The following PKHD1L1 variants were observed in gnomAD, a reference collection of about 807,000 sequenced individuals.
PKHD1L1 encodes PKHD1 like 1, also known as fibrocystin-L.
PKHD1L1 carries 434 observed loss-of-function variants against 462.9 expected under a neutral mutation model. The ratio of observed to expected loss-of-function variants is 0.94; its 90% CI spans 0.87 to 1.02. PKHD1L1 has a LOEUF of 1.02. Ranked by LOEUF, PKHD1L1 falls within the 50% of genes least tolerant of loss-of-function variation. PKHD1L1 has a pLI of 0.00. For synonymous variants in PKHD1L1, 1,781 were observed against 1,750.0 expected, an observed-to-expected ratio of 1.02 and a Z score of -0.44; for missense variants, 5,202 against 5,096.1, an observed-to-expected ratio of 1.02 and a Z score of -0.63.
intron 46 of PKHD1L1, among the ~76,000 whole-genome samples, chr8:109,457,955 C>A (rs113675404): frequency 0.015 from 2,340 of 152,200 alleles, 62 homozygotes; most frequent in African/African-American, 0.047. Context: ...CTCCACCTCT[C>A]CTTGCCCCTC....
At chr8:109,370,110 A>T (rs1811422251) in intron 2 of PKHD1L1, among the ~76,000 whole-genome samples, 1 of 152,036 alleles carries the variant, frequency 6.6e-6, no homozygotes, top group Non-Finnish European at 1.5e-5. Context: ...CTGATTCTGT[A>T]TTATTTTTAT....
chr8:109,412,445 A>T (rs779661625), intron 20 of PKHD1L1, 31 bp downstream of exon 20: 1 of 1,545,662 alleles, frequency 6.5e-7, no homozygotes, highest in Non-Finnish European at 8.7e-7. Context: ...TGCTAATTGA[A>T]TCTGGAAAAT....
Position 109,443,842 on chromosome 8 carries a change from A to C in PKHD1L1, c.4731A>C (p.Thr1577=), listed in dbSNP as rs1261082883. 2 of 1,613,794 alleles carry C rather than the reference A, an allele frequency of 1.2e-6. No homozygotes were observed. The highest frequency in any genetic ancestry group is 1.7e-6 in the Non-Finnish European group (2 of 1,179,798). The change falls in exon 37 of 78, where the codon ACA becomes ACC. Residue 1577 remains threonine (T), a synonymous_variant. Transcript: ENST00000378402. ...SISNITPSTG[T]VNELITIIGH... is the part of the protein sequence containing the mutation. ...GCAACATTACTCCGTCCACTGGAAC[A>C]GTAAATGAACTAATAACAATTATTG...
At chr8:109,381,705 T>C (rs1812126103) in intron 3 of PKHD1L1, among the ~76,000 whole-genome samples, 191 bp downstream of exon 3, 1 of 152,128 alleles carries the variant, frequency 6.6e-6, no homozygotes, top group South Asian at 2.1e-4. Flanking sequence ...TTAATTGGCA[T>C]GATAACAACA....
intron 23 of PKHD1L1, 73 bp downstream of exon 23, chr8:109,420,763 A>G: frequency 8.7e-7 from 1 of 1,148,590 alleles, no homozygotes; most frequent in South Asian, 2.2e-5. Context: ...ACCAACATAC[A>G]GATGGAATAT....
intron 10 of PKHD1L1, 22 bp downstream of exon 10, chr8:109,394,507 C>G (rs377273333): frequency 1.2e-5 from 17 of 1,441,554 alleles, no homozygotes; most frequent in Non-Finnish European, 1.6e-5. Flanking sequence ...TTCTTTCACT[C>G]TGTTGCGGGG....
At chr8:109,477,423 C>T in intron 53 of PKHD1L1, 27 bp downstream of exon 53, 1 of 1,562,024 alleles carries the variant, frequency 6.4e-7, no homozygotes, top group Non-Finnish European at 8.8e-7. Context: ...TAGTTGATAC[C>T]CTTCAATATC....
chr8:109,440,652 T>G, intron 32 of PKHD1L1, 58 bp from the exon 33 acceptor site: 2 of 1,506,332 alleles, frequency 1.3e-6, no homozygotes, highest in Non-Finnish European at 1.8e-6. Flanking sequence ...CTAGCAAGAG[T>G]TTAGCAAGAT....
In PKHD1L1 at chr8:109,536,018, G is replaced by A. The variant is rs1394493253; in HGVS notation, c.*5928G>A. ...AAGAAGGTAGAAGCGGGGGTATGGA[G>A]GGTTGACTTCTGGCTGTCCCTCCCT... is the stretch of plus-strand genomic sequence containing the variant. On this transcript the variant is annotated 3_prime_UTR_variant, in exon 78 of 78. Coordinates refer to ENST00000378402, the MANE Select transcript of PKHD1L1 (RefSeq NM_177531.6). Among the ~76,000 whole-genome samples, 1 of 152,146 alleles carries A rather than the reference G, an allele frequency of 6.6e-6. No homozygotes were observed. The highest frequency in any genetic ancestry group is 2.4e-5 in the African/African-American group (1 of 41,420).
intron 13 of PKHD1L1, among the ~76,000 whole-genome samples, chr8:109,401,094 A>G (rs958085717): frequency 1.3e-5 from 2 of 152,186 alleles, no homozygotes; most frequent in Admixed American, 6.6e-5. Flanking sequence ...TAGTGTGCAG[A>G]ACCATTTAGC....
Position 109,533,801 on chromosome 8 carries a change from A to G in PKHD1L1, c.*3711A>G, listed in dbSNP as rs1190904709. ...AAAATCTTGACAAAAAAAAAATTCCAGTGGATTGAATTAAAACTTTAGGTA... is the reference window on the plus strand; with the variant it reads ...AAAATCTTGACAAAAAAAAAATTCCGGTGGATTGAATTAAAACTTTAGGTA... On this transcript the variant is annotated 3_prime_UTR_variant, in exon 78 of 78. Transcript: ENST00000378402. Among the ~76,000 whole-genome samples the G allele has an allele frequency of 6.6e-6, 1 of 152,140 alleles. No homozygotes were observed. Among genetic ancestry groups the G allele is most frequent in the Non-Finnish European group, 1.5e-5 (1 of 68,022 alleles).
chr8:109,493,977 C>T (rs7841970), intron 63 of PKHD1L1, among the ~76,000 whole-genome samples: 4,128 of 151,808 alleles, frequency 0.027, 188 homozygotes, highest in African/African-American at 0.095. Flanking sequence ...CCCAAAACTC[C>T]AACGACAACT....
chr8:109,459,874 C>T, intron 47 of PKHD1L1, 38 bp downstream of exon 47: 1 of 1,544,154 alleles, frequency 6.5e-7, no homozygotes, highest in Non-Finnish European at 8.7e-7. Context: ...ATAATCATGC[C>T]ATATAGTTTT....
chr8:109,397,532 GA>G (rs150874438), intron 11 of PKHD1L1, among the ~76,000 whole-genome samples: 22,497 of 151,112 alleles, frequency 0.15, 2,170 homozygotes, highest in South Asian at 0.29. Context: ...AGAAAAAAAA[GA>G]AAAAAAAATT....
chr8:109,492,119 C>A, intron 62 of PKHD1L1, 125 bp downstream of exon 62: 1 of 748,230 alleles, frequency 1.3e-6, no homozygotes, highest in Non-Finnish European at 1.8e-6. Context: ...GTTTCGATGG[C>A]CATTGATTTT....
Position 109,535,011 on chromosome 8 carries a change from A to G in PKHD1L1, c.*4921A>G, listed in dbSNP as rs1167062599. Reference sequence around the variant, plus strand: ...GTTAAATAAACTTTCTGATAAACCAATGATTGGGTAGCATGATGAAACTTT... The same window carrying G: ...GTTAAATAAACTTTCTGATAAACCAGTGATTGGGTAGCATGATGAAACTTT... On this transcript the variant is annotated 3_prime_UTR_variant, in exon 78 of 78. Coordinates refer to ENST00000378402, the MANE Select transcript of PKHD1L1 (RefSeq NM_177531.6). Among the ~76,000 whole-genome samples, 4 of 152,274 alleles carry G rather than the reference A, an allele frequency of 2.6e-5. No homozygotes were observed. The highest frequency in any genetic ancestry group is 9.6e-5 in the African/African-American group (4 of 41,554).
Position 109,481,428 on chromosome 8 carries a change from T to G in PKHD1L1, c.9328-5T>G. 1 of 1,582,332 alleles carries G rather than the reference T, an allele frequency of 6.3e-7. No homozygotes were observed. The highest frequency in any genetic ancestry group is 1.4e-5 in the African/African-American group (1 of 73,784). ...AAGTATTAACAATTTTCTGCTTCAT[T>G]TCAGGGAGGTAGATTAATCGGTGGC... On this transcript the variant is annotated splice_region_variant and splice_polypyrimidine_tract_variant and intron_variant, in intron 55 of 77. Transcript: ENST00000378402.
Position 109,497,068 on chromosome 8 carries a change from G to C in PKHD1L1, c.10476+1G>C, listed in dbSNP as rs751662404. The C allele has an allele frequency of 5.0e-6, 8 of 1,613,032 alleles. No individual in the cohort carries two copies. The highest frequency in any genetic ancestry group is 5.1e-6 in the Non-Finnish European group (6 of 1,179,392). ...CTGGGATTATGGAATTTATTTTCAGGTAATTATGATTAAAGATGGTGATTG... is the reference window on the plus strand; with the variant it reads ...CTGGGATTATGGAATTTATTTTCAGCTAATTATGATTAAAGATGGTGATTG... On this transcript the variant is annotated splice_donor_variant, in intron 64 of 77. Transcript: ENST00000378402. LOFTEE classifies it high-confidence loss of function.
At chr8:109,463,899 A>G (rs1817273107) in intron 48 of PKHD1L1, among the ~76,000 whole-genome samples, 2 of 152,184 alleles carry the variant, frequency 1.3e-5, no homozygotes, top group African/African-American at 2.4e-5. Context: ...AGTAAAGTAA[A>G]AGAGGAAAAG....
Sources: gnomAD v4.1 joint callset for allele counts (sites outside exome capture counted in the v4.1 genomes callset) on GRCh38, gnomAD v4.1.1 for gene constraint, MANE v1.5 for transcripts, NCBI Gene and HGNC (gene_info 2026-07-23, HGNC 2026-07-21) for gene names.